Variants in POLDIP3 observed in about 807,000 individuals in gnomAD.
The protein encoded by POLDIP3 is DNA polymerase delta interacting protein 3, also known as polymerase delta-interacting protein 3.
A neutral mutation model predicts 45.1 loss-of-function variants in POLDIP3; 14 were observed. The observed-to-expected ratio is 0.31, with a 90% CI of 0.20 to 0.49. The LOEUF is 0.49. Among genes scored for constraint, POLDIP3 ranks in the 20% least tolerant of loss-of-function variants. The pLI, the probability that POLDIP3 is intolerant of heterozygous loss-of-function variation, is 0.99. For missense variants in POLDIP3, 511 were observed against 538.8 expected (o/e 0.95, Z 0.51); for synonymous variants, 223 against 205.2 (o/e 1.09, Z -0.74).
At chr22:42,593,431 T>C (rs1487853741) in intron 6 of POLDIP3, among the ~76,000 whole-genome samples, 2 of 152,230 alleles carry the variant, frequency 1.3e-5, no homozygotes, top group Admixed American at 1.3e-4. Flanking sequence ...TTTTCCACCA[T>C]TATGTATCTT....
At chr22:42,608,012 G>A (rs1260278445) in intron 1 of POLDIP3, among the ~76,000 whole-genome samples, 1 of 152,076 alleles carries the variant, frequency 6.6e-6, no homozygotes, top group Non-Finnish European at 1.5e-5. Context: ...CACCCCGTCT[G>A]GGAAGTGAGG....
At chr22:42,606,028 G>C (rs1459803476) in intron 1 of POLDIP3, among the ~76,000 whole-genome samples, 1 of 152,158 alleles carries the variant, frequency 6.6e-6, no homozygotes, top group Non-Finnish European at 1.5e-5. Flanking sequence ...TATAATCCTA[G>C]CTACTCGGAA....
intron 3 of POLDIP3, among the ~76,000 whole-genome samples, chr22:42,601,233 G>A (rs1016099692): frequency 2.0e-5 from 3 of 151,412 alleles, no homozygotes; most frequent in Non-Finnish European, 4.4e-5. Context: ...AAATTAGGCC[G>A]GGCGCGGTGG....
At position 42,608,666 on chromosome 22, in the gene POLDIP3, G is replaced by A. The variant is rs566462395; in HGVS notation, c.60-5506C>T. Reference sequence around the variant, plus strand: ...AGGGTGAGCACAAGCAGCGAGGCGAGCGGGTGGTGCACGCACTGAGAACTC... The same window carrying A: ...AGGGTGAGCACAAGCAGCGAGGCGAACGGGTGGTGCACGCACTGAGAACTC... On this transcript the variant is annotated intron_variant, in intron 1 of 8. Transcript: ENST00000252115. Among the ~76,000 whole-genome samples the A allele has an allele frequency of 2.6e-5, 4 of 152,286 alleles. No homozygotes were observed. In the East Asian group the frequency reaches 7.7e-4, roughly 29 times the overall value.
intron 7 of POLDIP3, among the ~76,000 whole-genome samples, chr22:42,589,712 T>C (rs532136727): frequency 6.6e-6 from 1 of 151,506 alleles, no homozygotes; most frequent in South Asian, 2.1e-4. Context: ...GGCGTGACAG[T>C]GGGCACCTGT....
chr22:42,596,461 C>T (rs1360464085), intron 4 of POLDIP3, 96 bp from the exon 5 acceptor site: 6 of 1,184,042 alleles, frequency 5.1e-6, no homozygotes, highest in Middle Eastern at 2.4e-4. Context: ...CATGAACCCT[C>T]GATGCCTCCC....
chr22:42,602,384 G>T (rs935922756), intron 2 of POLDIP3, among the ~76,000 whole-genome samples: 2 of 152,232 alleles, frequency 1.3e-5, no homozygotes, highest in Admixed American at 6.5e-5. Flanking sequence ...GGTGGCCAGG[G>T]CCTTGGACTA....
Position 42,600,674 on chromosome 22 carries a change from A to G in POLDIP3, c.538-881T>C, listed in dbSNP as rs114963702. ...CCACAACCACAACTATGAGTTAAGT[A>G]AAAAACAGACTGGGGCTGGGCACAG... On this transcript the variant is annotated intron_variant, in intron 3 of 8. Transcript: ENST00000252115. 5.3e-3 allele frequency among the ~76,000 whole-genome samples: 803 copies of G among 151,520 alleles called. 13 individuals are homozygous for G. The highest frequency in any genetic ancestry group is 0.019 in the African/African-American group (779 of 41,278).
chr22:42,604,226 C>T (rs1926581497), intron 1 of POLDIP3, among the ~76,000 whole-genome samples: 1 of 152,202 alleles, frequency 6.6e-6, no homozygotes, highest in African/African-American at 2.4e-5. Context: ...CAGGCCAACT[C>T]TCCTCTGTGC....
At chr22:42,592,666 C>A (rs1238176461) in intron 6 of POLDIP3, among the ~76,000 whole-genome samples, 2 of 152,232 alleles carry the variant, frequency 1.3e-5, no homozygotes, top group African/African-American at 4.8e-5. Context: ...AATTACTTAA[C>A]TTCTCTGAGC....
intron 1 of POLDIP3, among the ~76,000 whole-genome samples, chr22:42,607,979 G>A (rs1055274282): frequency 3.3e-5 from 5 of 151,134 alleles, no homozygotes; most frequent in African/African-American, 1.2e-4. Flanking sequence ...TTCGGGAGGT[G>A]GGGGGCGCCT....
At chr22:42,605,320 G>C (rs1926654667) in intron 1 of POLDIP3, among the ~76,000 whole-genome samples, 1 of 152,212 alleles carries the variant, frequency 6.6e-6, no homozygotes. Context: ...GTAAAGATGG[G>C]GTTTCACCGT....
At chr22:42,609,285 G>A (rs547972096) in intron 1 of POLDIP3, among the ~76,000 whole-genome samples, 1 of 152,192 alleles carries the variant, frequency 6.6e-6, no homozygotes, top group Non-Finnish European at 1.5e-5. Flanking sequence ...TTTTGACTGA[G>A]TCTCGTAATG....
At position 42,585,615 on chromosome 22, in the gene POLDIP3, AGGG is replaced by A; in HGVS notation, c.*173_*175del. ...AACGTTAACGTAGAGAGAAGAGCAC[AGGG>A]CAGAACACAACACAGAAAGGCGGGT... is the stretch of plus-strand genomic sequence containing the variant. On this transcript the variant is annotated 3_prime_UTR_variant, in exon 9 of 9. Transcript: ENST00000252115. 1 of 697,354 alleles carries A rather than the reference AGGG, an allele frequency of 1.4e-6. No individual in the cohort carries two copies. The highest frequency in any genetic ancestry group is 2.5e-6 in the Non-Finnish European group (1 of 406,344). The allele number at this position is 697,354 out of a possible 1,614,324, so 43.2% of individuals were successfully genotyped here.
Position 42,584,952 on chromosome 22 carries a change from A to G in POLDIP3, c.*839T>C, listed in dbSNP as rs949953166. Reference sequence around the variant, plus strand: ...AGCCTTTCAAAGGCCCAACCAGAAGAGAGCTGGCGGCTACACAAAACCAGG... The same window carrying G: ...AGCCTTTCAAAGGCCCAACCAGAAGGGAGCTGGCGGCTACACAAAACCAGG... On this transcript the variant is annotated 3_prime_UTR_variant, in exon 9 of 9. Coordinates refer to ENST00000252115, the MANE Select transcript of POLDIP3 (RefSeq NM_032311.5). 2 of 456,212 alleles carry G rather than the reference A, an allele frequency of 4.4e-6. No individual in the cohort carries two copies. Among genetic ancestry groups the G allele is most frequent in the African/African-American group, 4.0e-5 (2 of 50,090 alleles). 28.3% of individuals were successfully genotyped at this position (456,212 alleles called of 1,614,324 possible).
rs772152006 is a variant in POLDIP3 at position 42,585,946 on chromosome 22, T to C, written c.1111A>G (p.Met371Val). Residue 371 changes from methionine (M) to valine (V), a missense_variant, in exon 9 of 9, where the codon ATG (methionine) becomes GTG (valine). By Grantham distance (21) the Met-to-Val change is conservative. Around this residue, in one of 4 missense-constraint regions of POLDIP3, gnomAD observed 45 missense variants for 34.3 expected, o/e 1.31. Transcript: ENST00000252115. Reference sequence around the variant, plus strand: ...CGAGGCAGCTCGCTCTCCTTTTTCATTGATGGGCTGTCACTCAGCCGCCTG... The same window carrying C: ...CGAGGCAGCTCGCTCTCCTTTTTCACTGATGGGCTGTCACTCAGCCGCCTG... ...ILLRLSDSPS[M>V]KKESELPRRV... 1 of 1,613,054 alleles carries C rather than the reference T, an allele frequency of 6.2e-7. No individual in the cohort carries two copies. Among genetic ancestry groups the C allele is most frequent in the South Asian group, 1.1e-5 (1 of 90,984 alleles).
intron 4 of POLDIP3, among the ~76,000 whole-genome samples, chr22:42,599,166 T>C (rs866655331): frequency 2.6e-5 from 4 of 152,354 alleles, no homozygotes; most frequent in Middle Eastern, 6.8e-3. Context: ...ACCTAGGAGC[T>C]GCAGCCCTGT....
intron 4 of POLDIP3, among the ~76,000 whole-genome samples, chr22:42,599,199 G>T (rs1313923627): frequency 6.6e-6 from 1 of 152,354 alleles, no homozygotes; most frequent in South Asian, 2.1e-4. Flanking sequence ...GTGGGACCTT[G>T]AACAAATCAG....
At chr22:42,610,454 A>G (rs1644917069) in intron 1 of POLDIP3, among the ~76,000 whole-genome samples, 1 of 152,178 alleles carries the variant, frequency 6.6e-6, no homozygotes, top group South Asian at 2.1e-4. Context: ...CGTCTGGCCC[A>G]GAGAGCTGCT....
Sources: gnomAD v4.1 joint callset for allele counts (sites outside exome capture counted in the v4.1 genomes callset) on GRCh38, gnomAD v4.1.1 for gene constraint, gnomAD v4.1.1 regional missense constraint, MANE v1.5 for transcripts, NCBI Gene and HGNC (gene_info 2026-07-23, HGNC 2026-07-21) for gene names.